The following MDM2 variants were observed in gnomAD, a reference collection of about 807,000 sequenced individuals.
The protein encoded by MDM2 is MDM2 proto-oncogene.
In MDM2, 11 loss-of-function variants were observed where a neutral mutation model predicts 64.3. The observed-to-expected ratio is 0.17, with a 90% CI of 0.11 to 0.28. The LOEUF is 0.28. Ranked by LOEUF, MDM2 falls within the 10% of genes least tolerant of loss-of-function variation. MDM2 has a pLI of 1.00. For synonymous variants in MDM2, 194 were observed against 192.9 expected, an observed-to-expected ratio of 1.01 and a Z score of -0.05; for missense variants, 388 against 577.1, an observed-to-expected ratio of 0.67 and a Z score of 3.36.
At chr12:68,808,590 C>T (rs1434941054) in intron 1 of MDM2, 99 bp downstream of exon 1, 12 of 1,546,590 alleles carry the variant, frequency 7.8e-6, no homozygotes, top group Admixed American at 1.8e-5. Flanking sequence ...AGCCTTTGTG[C>T]GGTTCGTGGC....
At chr12:68,821,427 A>G (rs1037428559) in intron 5 of MDM2, among the ~76,000 whole-genome samples, 2 of 152,164 alleles carry the variant, frequency 1.3e-5, no homozygotes, top group African/African-American at 2.4e-5. Context: ...AACTACAGTT[A>G]AGAAATGCTC....
At position 68,823,224 on chromosome 12, in the gene MDM2, A is replaced by C. The variant is rs555416364; in HGVS notation, c.359-1139A>C. On this transcript the variant is annotated intron_variant, in intron 5 of 10. Coordinates refer to ENST00000258149, the MANE Select transcript of MDM2 (RefSeq NM_002392.6). ...TTCAAAATGTTAATGTCCAGGCATG[A>C]GTTCACTGTTAAGATGAAAATGTTT... Among the ~76,000 whole-genome samples the C allele has an allele frequency of 1.3e-3, 194 of 151,064 alleles. 1 individual carries two copies. The highest frequency in any genetic ancestry group is 1.4e-3 in the Non-Finnish European group (96 of 67,774).
intron 5 of MDM2, 128 bp downstream of exon 5, chr12:68,820,502 G>T: frequency 1.4e-6 from 1 of 714,840 alleles, no homozygotes; most frequent in Non-Finnish European, 2.4e-6. Flanking sequence ...TGTAATAAAA[G>T]TATGATAAAT....
At position 68,828,937 on chromosome 12, in the gene MDM2, G is replaced by C. The variant is rs1247118384; in HGVS notation, c.684+6G>C. 1.4e-5 allele frequency: 22 copies of C among 1,613,472 alleles called. No individual in the cohort carries two copies. The highest frequency in any genetic ancestry group is 1.8e-5 in the Non-Finnish European group (21 of 1,179,660). ...CAGGGACGCCATCGAATCCGGTAAT[G>C]TTCTCATTTTAAGTAAGGCAAGACT... On this transcript the variant is annotated splice_donor_region_variant and intron_variant, in intron 8 of 10. Transcript: ENST00000258149.
At chr12:68,836,266 C>T (rs530546220) in intron 9 of MDM2, among the ~76,000 whole-genome samples, 188 of 152,228 alleles carry the variant, frequency 1.2e-3, no homozygotes, top group Non-Finnish European at 1.9e-3. Context: ...AATTCAACTA[C>T]TGTTTTAATA....
At chr12:68,830,350 G>A (rs1357424969) in intron 8 of MDM2, among the ~76,000 whole-genome samples, 2 of 152,072 alleles carry the variant, frequency 1.3e-5, no homozygotes, top group African/African-American at 2.4e-5. Context: ...TTGTATGAAC[G>A]CATACCTGCC....
At chr12:68,848,009 T>C (rs949468271), downstream of MDM2, 1 of 152,066 alleles carries the variant, frequency 6.6e-6, no homozygotes, top group African/African-American at 2.4e-5. Context: ...CAAAAAATTG[T>C]GGTGGCATGC....
At chr12:68,827,205 A>T (rs3730593) in intron 7 of MDM2, among the ~76,000 whole-genome samples, 13,845 of 152,184 alleles carry the variant, frequency 0.091, 2,114 homozygotes, top group African/African-American at 0.32. Flanking sequence ...AAGTCCTTTC[A>T]GAAATCTGTG....
chr12:68,849,382 G>A (rs7976483), downstream of MDM2: 13,373 of 96,230 alleles, frequency 0.14, 2,006 homozygotes, highest in African/African-American at 0.41. Flanking sequence ...GAGCCACTGC[G>A]CCTGGCCGTT....
intron 8 of MDM2, among the ~76,000 whole-genome samples, chr12:68,831,066 T>G (rs1293292663): frequency 6.6e-6 from 1 of 152,230 alleles, no homozygotes; most frequent in Non-Finnish European, 1.5e-5. Flanking sequence ...TTTAGAGTCC[T>G]TGTTCCTGCT....
intron 8 of MDM2, among the ~76,000 whole-genome samples, chr12:68,833,235 T>C (rs1882973033): frequency 1.0e-5 from 1 of 96,064 alleles, no homozygotes; most frequent in Non-Finnish European, 2.1e-5. Flanking sequence ...ATGTATATTA[T>C]ATATTACATT....
intron 8 of MDM2, among the ~76,000 whole-genome samples, chr12:68,831,571 C>T (rs919076450): frequency 6.6e-6 from 1 of 152,180 alleles, no homozygotes; most frequent in Non-Finnish European, 1.5e-5. Context: ...CTTGCATTTG[C>T]ATCTTAAAGG....
intron 2 of MDM2, among the ~76,000 whole-genome samples, chr12:68,811,521 A>G (rs1880889344): frequency 6.6e-6 from 1 of 151,796 alleles, no homozygotes; most frequent in South Asian, 2.1e-4. Flanking sequence ...AAGATTACAA[A>G]TGCTATTATC....
chr12:68,826,783 C>G (rs1310305458), intron 7 of MDM2, among the ~76,000 whole-genome samples: 1 of 152,026 alleles, frequency 6.6e-6, no homozygotes, highest in African/African-American at 2.4e-5. Flanking sequence ...CTAATTACAG[C>G]ATTATTTATA....
Position 68,839,741 on chromosome 12 carries a change from A to G in MDM2, c.1386A>G (p.Gly462=). The change falls in exon 11 of 11, where the codon GGA becomes GGG. Residue 462 remains glycine (G), a synonymous_variant. Coordinates refer to ENST00000258149, the MANE Select transcript of MDM2 (RefSeq NM_002392.6). ...KNGCIVHGKT[G]HLMACFTCAK... ...GTTGCATTGTCCATGGCAAAACAGG[A>G]CATCTTATGGCCTGCTTTACATGTG... 1 of 1,614,076 alleles carries G rather than the reference A, an allele frequency of 6.2e-7. No individual in the cohort carries two copies.
At chr12:68,824,940 GGCTCACGCCT>G in intron 7 of MDM2, among the ~76,000 whole-genome samples, 1 of 152,346 alleles carries the variant, frequency 6.6e-6, no homozygotes, top group African/African-American at 2.4e-5. Context: ...GCTCACGCCT[GGCTCACGCCT>G]GTAATCCCGG....
At chr12:68,822,996 C>G (rs908240004) in intron 5 of MDM2, among the ~76,000 whole-genome samples, 2 of 152,180 alleles carry the variant, frequency 1.3e-5, no homozygotes. Flanking sequence ...CCACCTTGGC[C>G]TCCCAAAGTG....
chr12:68,829,886 A>G (rs1882656551), intron 8 of MDM2, among the ~76,000 whole-genome samples: 2 of 152,210 alleles, frequency 1.3e-5, no homozygotes, highest in African/African-American at 4.8e-5. Context: ...AAGAGATGTC[A>G]CTGAAAGAAG....
intron 2 of MDM2, among the ~76,000 whole-genome samples, chr12:68,811,861 A>G (rs1001983228): frequency 6.6e-6 from 1 of 152,066 alleles, no homozygotes; most frequent in East Asian, 1.9e-4. Flanking sequence ...TGGCCTCCCA[A>G]AGTGCTGGGA....
Sources: gnomAD v4.1 joint callset for allele counts (sites outside exome capture counted in the v4.1 genomes callset) on GRCh38, gnomAD v4.1.1 for gene constraint, MANE v1.5 for transcripts, NCBI Gene and HGNC (gene_info 2026-07-23, HGNC 2026-07-21) for gene names.